Variants in DAB1 observed in about 807,000 individuals in gnomAD.
The protein encoded by DAB1 is disabled homolog 1.
A neutral mutation model predicts 64.6 loss-of-function variants in DAB1; 15 were observed. That is an observed-to-expected ratio of 0.23 (90% CI 0.16 to 0.36). The LOEUF (loss-of-function observed/expected upper bound fraction) is 0.36. DAB1 is among the 10% of genes least tolerant of loss of function. DAB1 has a pLI of 1.00. For missense variants in DAB1, 596 were observed against 706.7 expected (o/e 0.84, Z 1.78); for synonymous variants, 235 against 251.9 (o/e 0.93, Z 0.64).
intron 2 of DAB1, among the ~76,000 whole-genome samples, chr1:57,289,918 T>C (rs1422358531): frequency 6.6e-6 from 1 of 152,142 alleles, no homozygotes; most frequent in Non-Finnish European, 1.5e-5. Flanking sequence ...CTGAAAAACA[T>C]GGTCCTAAAG....
chr1:57,581,649 TATA>T (rs1645313303), intron 7 of DAB1, among the ~76,000 whole-genome samples: 1 of 150,374 alleles, frequency 6.7e-6, no homozygotes, highest in Admixed American at 6.6e-5. Flanking sequence ...TATACACAAC[TATA>T]ATAATATGGT....
intron 5 of DAB1, among the ~76,000 whole-genome samples, chr1:57,926,130 G>A (rs1017272036): frequency 5.9e-5 from 9 of 152,096 alleles, no homozygotes. Context: ...TATGATTGAC[G>A]GCCTGGGTGC....
chr1:57,441,273 TC>T lies in DAB1; in HGVS notation n.626-150108del, dbSNP rs1336419229. The stretch of plus-strand genomic sequence containing the variant: ...TCTTTTCTTTTCTTTTCTTTCTTTC[TC>T]TTTCTTTCTTTCTTTCTTTCTTTCT... On this transcript the variant is annotated intron_variant and non_coding_transcript_variant, in intron 7 of 20. Transcript: ENST00000485760. Among the ~76,000 whole-genome samples the T allele has an allele frequency of 5.4e-3, 135 of 24,858 alleles. 2 individuals carry two copies. The highest frequency in any genetic ancestry group is 8.0e-3 in the Non-Finnish European group (67 of 8,342). 16.3% of individuals were successfully genotyped at this position (24,858 alleles called of 152,430 possible).
chr1:58,075,978 G>A (rs919310631), intron 5 of DAB1, among the ~76,000 whole-genome samples: 6 of 151,658 alleles, frequency 4.0e-5, no homozygotes, highest in Admixed American at 3.9e-4. Context: ...CACAATACTC[G>A]GCTTCATTTC....
At chr1:58,329,533 A>G (rs1411529215) in intron 4 of DAB1, among the ~76,000 whole-genome samples, 3 of 152,212 alleles carry the variant, frequency 2.0e-5, no homozygotes, top group Non-Finnish European at 4.4e-5. Context: ...GACATAATGC[A>G]GGCATACCTT....
intron 2 of DAB1, among the ~76,000 whole-genome samples, chr1:57,174,379 G>A (rs1381831880): frequency 6.6e-6 from 1 of 152,056 alleles, no homozygotes; most frequent in Non-Finnish European, 1.5e-5. Flanking sequence ...AGGACTACCA[G>A]GTGCTAAGCA....
intron 2 of DAB1, among the ~76,000 whole-genome samples, chr1:57,256,248 C>T (rs998595217): frequency 7.9e-5 from 12 of 152,214 alleles, no homozygotes; most frequent in Admixed American, 6.5e-4. Context: ...CTCAAAAACT[C>T]GAAGTGTAAT....
intron 6 of DAB1, among the ~76,000 whole-genome samples, chr1:57,765,904 TACAGGCGTGA>T (rs1649290672): frequency 6.6e-6 from 1 of 152,192 alleles, no homozygotes. Flanking sequence ...GTGCTGGGAT[TACAGGCGTGA>T]GCCACTATGC....
intron 2 of DAB1, among the ~76,000 whole-genome samples, chr1:57,208,649 T>C (rs1288275243): frequency 6.6e-6 from 1 of 152,230 alleles, no homozygotes; most frequent in East Asian, 1.9e-4. Flanking sequence ...TTTTTTAAAA[T>C]AATGAATCCA....
chr1:58,017,636 G>T (rs1646759794), intron 5 of DAB1, among the ~76,000 whole-genome samples: 1 of 152,212 alleles, frequency 6.6e-6, no homozygotes, highest in African/African-American at 2.4e-5. Context: ...CTTTGGCCCT[G>T]CCTCACCTTC....
intron 2 of DAB1, among the ~76,000 whole-genome samples, chr1:58,516,430 T>C (rs1646158863): frequency 6.6e-6 from 1 of 152,240 alleles, no homozygotes; most frequent in East Asian, 1.9e-4. Flanking sequence ...GGACCTCTTT[T>C]GTCAGCTGAA....
intron 9 of DAB1, among the ~76,000 whole-genome samples, chr1:57,061,007 T>A (rs984381541): frequency 1.3e-5 from 2 of 151,940 alleles, no homozygotes; most frequent in African/African-American, 4.8e-5. Context: ...GAGAATGGTG[T>A]CATGGGGGCT....
Position 57,620,154 on chromosome 1 carries a change from T to C in DAB1, n.625+29438A>G, listed in dbSNP as rs768063888. ...AAAAATGGCAATCCTGGAGAATTTGTTTCTCTGGTGCCAGCTGAGACTCCG... is the reference window on the plus strand; with the variant it reads ...AAAAATGGCAATCCTGGAGAATTTGCTTCTCTGGTGCCAGCTGAGACTCCG... On this transcript the variant is annotated intron_variant and non_coding_transcript_variant, in intron 7 of 20. Coordinates refer to the DAB1 transcript ENST00000485760. 4.4e-4 allele frequency among the ~76,000 whole-genome samples: 67 copies of C among 152,140 alleles called. 1 individual carries two copies. Among genetic ancestry groups the C allele is most frequent in the Non-Finnish European group, 6.5e-4 (44 of 68,028 alleles).
intron 5 of DAB1, among the ~76,000 whole-genome samples, chr1:58,040,898 T>C (rs1248523610): frequency 6.6e-6 from 1 of 152,186 alleles, no homozygotes; most frequent in African/African-American, 2.4e-5. Flanking sequence ...CAGAATTGTG[T>C]CCAACCTCCT....
At chr1:58,090,248 T>A (rs1650570048) in intron 5 of DAB1, among the ~76,000 whole-genome samples, 1 of 152,022 alleles carries the variant, frequency 6.6e-6, no homozygotes, top group African/African-American at 2.4e-5. Context: ...AGCTGAAAAC[T>A]AGGAAAAGAA....
At chr1:58,485,219 G>T in intron 3 of DAB1, among the ~76,000 whole-genome samples, 1 of 48,340 alleles carries the variant, frequency 2.1e-5, no homozygotes. Context: ...AAATAAAAGA[G>T]TCTACTACTA....
chr1:57,992,617 G>A (rs1302551409), intron 5 of DAB1, among the ~76,000 whole-genome samples: 1 of 152,168 alleles, frequency 6.6e-6, no homozygotes, highest in Non-Finnish European at 1.5e-5. Flanking sequence ...CGTTTTCAGA[G>A]TGAGGACAGA....
intron 3 of DAB1, among the ~76,000 whole-genome samples, chr1:58,500,163 T>G (rs1645882873): frequency 6.6e-6 from 1 of 152,188 alleles, no homozygotes; most frequent in East Asian, 1.9e-4. Flanking sequence ...CAGCCTCAAG[T>G]AGATACACAT....
intron 3 of DAB1, among the ~76,000 whole-genome samples, chr1:58,486,838 C>T (rs1645583280): frequency 6.6e-6 from 1 of 152,126 alleles, no homozygotes; most frequent in African/African-American, 2.4e-5. Flanking sequence ...GTAAGGAGGA[C>T]ACTAGCTTAA....
Sources: gnomAD v4.1 joint callset for allele counts (sites outside exome capture counted in the v4.1 genomes callset) on GRCh38, gnomAD v4.1.1 for gene constraint, MANE v1.5 for transcripts, NCBI Gene and HGNC (gene_info 2026-07-23, HGNC 2026-07-21) for gene names.